MFSD1: variants seen among roughly 807,000 people sequenced by gnomAD.
The protein encoded by MFSD1 is lysosomal dipeptide transporter MFSD1.
A neutral mutation model predicts 67.1 loss-of-function variants in MFSD1; 59 were observed. The ratio of observed to expected loss-of-function variants is 0.88; its 90% confidence interval spans 0.71 to 1.09. The LOEUF is 1.09. Among genes scored for constraint, MFSD1 ranks in the 50% least tolerant of loss-of-function variants. MFSD1 has a pLI of 0.00. For missense variants in MFSD1, 552 were observed against 566.1 expected (o/e 0.97, Z 0.25); for synonymous variants, 213 against 200.3 (o/e 1.06, Z -0.54).
intron 7 of MFSD1, among the ~76,000 whole-genome samples, chr3:158,818,847 A>AT (rs1185519066): frequency 6.6e-6 from 1 of 152,170 alleles, no homozygotes; most frequent in Non-Finnish European, 1.5e-5. Context: ...TAGAGCCAGA[A>AT]AAGACCTGTG....
At chr3:158,805,745 G>C (rs1729691141) in intron 3 of MFSD1, among the ~76,000 whole-genome samples, 1 of 152,188 alleles carries the variant, frequency 6.6e-6, no homozygotes, top group African/African-American at 2.4e-5. Context: ...GGTAAACCAG[G>C]TTCTGAATCT....
In MFSD1 at chr3:158,821,664, A is replaced by G. The variant is rs761048414; in HGVS notation, c.920+11A>G. ...AAGTGCAATTAACAGGTATTTTAAA[A>G]TTAATTTTGTAAGTGCCTATTGCAT... On this transcript the variant is annotated intron_variant, in intron 10 of 15. Coordinates refer to ENST00000415822, the MANE Select transcript of MFSD1 (RefSeq NM_022736.4). 1.2e-6 allele frequency: 2 copies of G among 1,601,204 alleles called. No homozygotes were observed. The highest frequency in any genetic ancestry group is 1.7e-6 in the Non-Finnish European group (2 of 1,170,882).
At position 158,802,104 on chromosome 3, in the gene MFSD1, T is replaced by A. The variant is rs543761329; in HGVS notation, c.-49T>A. On this transcript the variant is annotated 5_prime_UTR_variant, in exon 1 of 16. Transcript: ENST00000415822. ...TGTTCCACGGGCGCTGCTTCCTGCC[T>A]GGGTTTGGAGTTGTCACCACTTTCC... 1.6e-5 allele frequency: 26 copies of A among 1,601,998 alleles called. 1 individual carries two copies. In the South Asian group the frequency reaches 2.9e-4, roughly 18 times the overall value.
intron 12 of MFSD1, 131 bp downstream of exon 12, chr3:158,823,656 A>G (rs146661720): frequency 2.7e-6 from 2 of 734,984 alleles, no homozygotes; most frequent in East Asian, 5.2e-5. Flanking sequence ...GATAACTGGA[A>G]AAGTCAGTAA....
rs566942308 is a variant in MFSD1 at position 158,821,063 on chromosome 3, A to G, written c.864-534A>G. 5.9e-5 allele frequency among the ~76,000 whole-genome samples: 9 copies of G among 152,366 alleles called. 1 individual carries two copies. Among genetic ancestry groups the G allele is most frequent in the African/African-American group, 1.9e-4 (8 of 41,588 alleles). On this transcript the variant is annotated intron_variant, in intron 9 of 15. Coordinates refer to ENST00000415822, the MANE Select transcript of MFSD1 (RefSeq NM_022736.4). The stretch of plus-strand genomic sequence containing the variant: ...GTGCACTGTGCCTGGGAACATCTCC[A>G]TTGATTAGGACTGTAATTCTGCCAG...
chr3:158,824,632 T>C (rs1279618133), intron 13 of MFSD1, among the ~76,000 whole-genome samples: 3 of 152,242 alleles, frequency 2.0e-5, no homozygotes, highest in Admixed American at 6.5e-5. Context: ...ATTTAGTTTT[T>C]ACCTGTAATT....
chr3:158,828,564 C>G (rs1206120992), intron 15 of MFSD1, among the ~76,000 whole-genome samples: 2 of 151,910 alleles, frequency 1.3e-5, no homozygotes, highest in East Asian at 3.9e-4. Context: ...TTGTTAAAAC[C>G]ATGTTTTAGA....
chr3:158,824,698 GC>G (rs1488605290), intron 13 of MFSD1, among the ~76,000 whole-genome samples: 11 of 152,148 alleles, frequency 7.2e-5, no homozygotes, highest in African/African-American at 2.7e-4. Flanking sequence ...AAAAATAATA[GC>G]ATTTGTCCAT....
At position 158,820,325 on chromosome 3, in the gene MFSD1, A is replaced by C. The variant is rs769422282; in HGVS notation, c.862A>C (p.Lys288Gln). The C allele has an allele frequency of 6.4e-7, 1 of 1,572,526 alleles. No homozygotes were observed. The highest frequency in any genetic ancestry group is 1.1e-5 in the South Asian group (1 of 90,076). The change falls in exon 9 of 16, where the codon AAA (lysine) becomes CAA (glutamine). Residue 288 changes from lysine to glutamine, a missense_variant and splice_region_variant. Lys to Gln is a moderately conservative substitution (Grantham distance 53, BLOSUM62 1). Coordinates refer to ENST00000415822, the MANE Select transcript of MFSD1 (RefSeq NM_022736.4). ...TGTGTTCCCTTTTATTGGACTTGGG[A>C]AGTGAGTATTCTCTATGTTTCCATT... The part of the protein sequence containing the change: ...VAVFPFIGLG[K>Q]VFFTEKFGFS...
intron 9 of MFSD1, among the ~76,000 whole-genome samples, chr3:158,820,625 C>G (rs1730623167): frequency 1.3e-5 from 2 of 152,190 alleles, no homozygotes; most frequent in African/African-American, 4.8e-5. Context: ...CTCACAGTTC[C>G]ATAGGGCTGG....
In MFSD1 at chr3:158,807,395, G is replaced by T. The variant is rs1195353515; in HGVS notation, c.373-1G>T. ...ATTTGACATGAACTTCTACATTATA[G>T]GTTGTTTTTGCCCTGGGTGGAATAT... On this transcript the variant is annotated splice_acceptor_variant, in intron 4 of 15. Coordinates refer to ENST00000415822, the MANE Select transcript of MFSD1 (RefSeq NM_022736.4). LOFTEE classifies it high-confidence loss of function. 3 of 1,610,872 alleles carry T rather than the reference G, an allele frequency of 1.9e-6. No individual in the cohort carries two copies. The East Asian group carries it at 6.7e-5, about 36-fold the overall frequency.
intron 9 of MFSD1, among the ~76,000 whole-genome samples, chr3:158,821,156 G>A (rs138260621): frequency 2.3e-4 from 35 of 152,036 alleles, no homozygotes; most frequent in African/African-American, 7.7e-4. Context: ...CTTTTTCATT[G>A]GCAGCTGCTT....
chr3:158,822,026 G>C lies in MFSD1; in HGVS notation c.963G>C (p.Gly321=). The C allele has an allele frequency of 1.2e-6, 2 of 1,613,876 alleles. No homozygotes were observed. Among genetic ancestry groups the C allele is most frequent in the Non-Finnish European group, 8.5e-7 (1 of 1,179,840 alleles). Reference sequence around the variant, plus strand: ...CAGCTCCCATGTCCCCGGTGTTTGGGCTCCTGGTGGATAAAACAGGGAAGA... The same window carrying C: ...CAGCTCCCATGTCCCCGGTGTTTGGCCTCCTGGTGGATAAAACAGGGAAGA... ...VISAPMSPVF[G]LLVDKTGKNI... is the part of the protein sequence containing the mutation. The change falls in exon 11 of 16, where the codon GGG becomes GGC. Residue 321 remains glycine (G), a synonymous_variant. Coordinates refer to ENST00000415822, the MANE Select transcript of MFSD1 (RefSeq NM_022736.4).
intron 7 of MFSD1, among the ~76,000 whole-genome samples, chr3:158,817,739 G>GA (rs1489900902): frequency 6.6e-6 from 1 of 152,020 alleles, no homozygotes; most frequent in Non-Finnish European, 1.5e-5. Flanking sequence ...CACAGAATTG[G>GA]AAAAAACTAC....
intron 7 of MFSD1, 130 bp from the exon 8 acceptor site, chr3:158,819,519 T>C (rs1730555316): frequency 2.1e-6 from 1 of 478,434 alleles, no homozygotes; most frequent in African/African-American, 2.0e-5. Context: ...TGCAGATTTT[T>C]CTCGTGTCTT....
intron 9 of MFSD1, among the ~76,000 whole-genome samples, chr3:158,820,724 C>T (rs73158374): frequency 3.2e-4 from 48 of 152,222 alleles, no homozygotes; most frequent in Non-Finnish European, 5.4e-4. Context: ...TGAGTGCCAG[C>T]AGGGGAAATG....
intron 6 of MFSD1, among the ~76,000 whole-genome samples, chr3:158,810,957 C>T (rs529319463): frequency 1.3e-5 from 2 of 152,184 alleles, no homozygotes; most frequent in African/African-American, 4.8e-5. Context: ...TGTCTAACAA[C>T]TTTTTAAAGA....
rs1453068553 is a variant in MFSD1, at chr3:158,821,673, G to T, written c.920+20G>T. On this transcript the variant is annotated intron_variant, in intron 10 of 15. Coordinates refer to ENST00000415822, the MANE Select transcript of MFSD1 (RefSeq NM_022736.4). ...TAACAGGTATTTTAAAATTAATTTT[G>T]TAAGTGCCTATTGCATGTGAAGTAT... is the stretch of plus-strand genomic sequence containing the variant. 1.9e-6 allele frequency: 3 copies of T among 1,586,518 alleles called. No individual in the cohort carries two copies. Among genetic ancestry groups the T allele is most frequent in the South Asian group, 2.2e-5 (2 of 88,956 alleles).
chr3:158,818,943 CGTT>C (rs1368087364), intron 7 of MFSD1, among the ~76,000 whole-genome samples: 1 of 152,182 alleles, frequency 6.6e-6, no homozygotes, highest in Non-Finnish European at 1.5e-5. Context: ...TGATTCAGCT[CGTT>C]AGAGCTCACG....
Sources: gnomAD v4.1 joint callset for allele counts (sites outside exome capture counted in the v4.1 genomes callset) on GRCh38, gnomAD v4.1.1 for gene constraint, MANE v1.5 for transcripts, NCBI Gene and HGNC (gene_info 2026-07-23, HGNC 2026-07-21) for gene names.